ANOS1: variants seen among roughly 807,000 people sequenced by gnomAD.
ANOS1 encodes anosmin-1.
ANOS1 carries 6 observed loss-of-function variants against 59.0 expected under a neutral mutation model. That is an observed-to-expected ratio of 0.10 (90% confidence interval 0.06 to 0.20). ANOS1 has a LOEUF of 0.20. ANOS1 is among the 10% of genes least tolerant of loss of function. ANOS1 has a pLI of 1.00. For missense variants in ANOS1, 433 were observed against 542.3 expected (o/e 0.80, Z 2.00); for synonymous variants, 217 against 223.4 (o/e 0.97, Z 0.25).
At chrX:8,571,446 C>T (rs1930232201) in intron 6 of ANOS1, among the ~76,000 whole-genome samples, 1 of 111,519 alleles carries the variant, frequency 9.0e-6, no homozygotes, top group African/African-American at 3.3e-5. Context: ...TTTTCATCTT[C>T]GTGCCCTGTA....
rs1218615892 is a variant in ANOS1 at position 8,686,102 on chromosome X, C to G, written c.255+13596G>C. Among the ~76,000 whole-genome samples the G allele has an allele frequency of 2.7e-5, 3 of 112,009 alleles. No homozygotes were observed. The East Asian group carries it at 8.3e-4, about 31-fold the overall frequency. The stretch of plus-strand genomic sequence containing the variant: ...CCATTACCTAATTTACAAGAGGCTC[C>G]CATTGCTCTTTTCCAGTAAATCTTT... On this transcript the variant is annotated intron_variant, in intron 2 of 13. Coordinates refer to ENST00000262648, the MANE Select transcript of ANOS1 (RefSeq NM_000216.4).
At chrX:8,636,426 G>T (rs1040560814) in intron 2 of ANOS1, among the ~76,000 whole-genome samples, 1 of 112,011 alleles carries the variant, frequency 8.9e-6, no homozygotes, top group Non-Finnish European at 1.9e-5. Flanking sequence ...TGCTTAACAA[G>T]ATTGTTTATA....
At chrX:8,568,200 A>G in intron 8 of ANOS1, 32 bp downstream of exon 8, 1 of 1,201,878 alleles carries the variant, frequency 8.3e-7, no homozygotes, top group Non-Finnish European at 1.1e-6. Context: ...TCATGTCACA[A>G]TCATCTTGAA....
intron 8 of ANOS1, among the ~76,000 whole-genome samples, chrX:8,555,351 C>G (rs757509578): frequency 9.1e-6 from 1 of 110,487 alleles, no homozygotes; most frequent in Admixed American, 9.7e-5. Context: ...AATTCAAAAG[C>G]CAGCAGAAGA....
chrX:8,726,697 G>C (rs1313055210), intron 1 of ANOS1, among the ~76,000 whole-genome samples: 2 of 112,468 alleles, frequency 1.8e-5, no homozygotes, highest in Non-Finnish European at 3.8e-5. Context: ...TAGAGCTTAA[G>C]ACTCAGCTAC....
intron 3 of ANOS1, among the ~76,000 whole-genome samples, chrX:8,606,007 T>A (rs989835057): frequency 2.7e-5 from 3 of 110,734 alleles, no homozygotes; most frequent in Admixed American, 1.9e-4. Flanking sequence ...GGGGGCATGA[T>A]GTGCCATGCA....
intron 2 of ANOS1, among the ~76,000 whole-genome samples, chrX:8,694,179 A>G (rs1438983949): frequency 8.9e-6 from 1 of 112,075 alleles, no homozygotes; most frequent in Non-Finnish European, 1.9e-5. Context: ...GTGAGTATCT[A>G]CTGAAATGGG....
intron 1 of ANOS1, among the ~76,000 whole-genome samples, chrX:8,726,753 A>T (rs1932923752): frequency 8.9e-6 from 1 of 112,256 alleles, no homozygotes; most frequent in African/African-American, 3.2e-5. Context: ...GAGGAGCAGG[A>T]GTGTCCAAGA....
chrX:8,704,116 A>G (rs184051810), intron 1 of ANOS1, among the ~76,000 whole-genome samples: 1 of 111,475 alleles, frequency 9.0e-6, no homozygotes, highest in Non-Finnish European at 1.9e-5. Flanking sequence ...CTTGCCTGCC[A>G]CCATTTAAGA....
At chrX:8,623,026 TG>T (rs1931321439) in intron 3 of ANOS1, among the ~76,000 whole-genome samples, 1 of 90,640 alleles carries the variant, frequency 1.1e-5, no homozygotes, top group African/African-American at 4.0e-5. Flanking sequence ...GATGGATGGA[TG>T]GATGATGGAT....
intron 2 of ANOS1, among the ~76,000 whole-genome samples, chrX:8,660,563 C>G (rs1932020061): frequency 9.0e-6 from 1 of 110,578 alleles, no homozygotes; most frequent in African/African-American, 3.3e-5. Context: ...TTGCTTGAGC[C>G]CAGGAGTTCG....
chrX:8,637,096 CA>C (rs1163567628), intron 2 of ANOS1, among the ~76,000 whole-genome samples: 1 of 112,281 alleles, frequency 8.9e-6, no homozygotes, highest in Non-Finnish European at 1.9e-5. Flanking sequence ...GGAATTCCAT[CA>C]TAATACAGTA....
intron 2 of ANOS1, among the ~76,000 whole-genome samples, chrX:8,638,923 C>T (rs1395452943): frequency 9.0e-6 from 1 of 111,026 alleles, no homozygotes; most frequent in Admixed American, 9.7e-5. Flanking sequence ...TTTATGTAGA[C>T]CAGTAGAACA....
At chrX:8,633,861 A>C (rs1236956768) in intron 2 of ANOS1, among the ~76,000 whole-genome samples, 1 of 112,203 alleles carries the variant, frequency 8.9e-6, no homozygotes, top group East Asian at 2.8e-4. Context: ...AAGACAAAGA[A>C]AGACTGAGGA....
intron 2 of ANOS1, among the ~76,000 whole-genome samples, chrX:8,631,182 T>C: frequency 8.9e-6 from 1 of 112,422 alleles, no homozygotes. Context: ...CAACAAGCTA[T>C]TGAAATTGTG....
At chrX:8,622,661 A>C (rs182762893) in intron 3 of ANOS1, among the ~76,000 whole-genome samples, 1 of 111,570 alleles carries the variant, frequency 9.0e-6, no homozygotes, top group African/African-American at 3.3e-5. Flanking sequence ...TTCTCCCCAA[A>C]CCTTCAGATT....
At chrX:8,568,003 T>C (rs972132800) in intron 8 of ANOS1, among the ~76,000 whole-genome samples, 1 of 112,460 alleles carries the variant, frequency 8.9e-6, no homozygotes, top group African/African-American at 3.2e-5. Flanking sequence ...AAATTTCCAT[T>C]ACAACACCAA....
chrX:8,668,559 T>C (rs1378549902), intron 2 of ANOS1, among the ~76,000 whole-genome samples: 1 of 103,563 alleles, frequency 9.7e-6, no homozygotes, highest in Non-Finnish European at 2.0e-5. Flanking sequence ...GAATACCATA[T>C]ATATATATGA....
At chrX:8,538,663 G>A (rs1428914861) in intron 10 of ANOS1, among the ~76,000 whole-genome samples, 1 of 111,863 alleles carries the variant, frequency 8.9e-6, no homozygotes, top group Non-Finnish European at 1.9e-5. Flanking sequence ...TTTTCAAATC[G>A]ACTTCCTTAT....
Sources: gnomAD v4.1 joint callset for allele counts (sites outside exome capture counted in the v4.1 genomes callset) on GRCh38, gnomAD v4.1.1 for gene constraint, MANE v1.5 for transcripts, NCBI Gene and HGNC (gene_info 2026-07-23, HGNC 2026-07-21) for gene names.